The following P3H2 variants were observed in gnomAD, a reference collection of about 807,000 sequenced individuals.
P3H2 encodes leprecan-like 1.
In P3H2, 80 loss-of-function variants were observed where a neutral mutation model predicts 87.0. The ratio of observed to expected loss-of-function variants is 0.92; its 90% CI spans 0.77 to 1.11. P3H2 has a LOEUF of 1.11. Ranked by LOEUF, P3H2 falls within the 50% of genes least tolerant of loss-of-function variation. P3H2 has a pLI of 0.00. For missense variants in P3H2, 1,001 were observed against 923.9 expected (o/e 1.08, Z -1.08); for synonymous variants, 367 against 359.3 (o/e 1.02, Z -0.24).
At chr3:189,966,336 G>A (rs986408198) in intron 13 of P3H2, among the ~76,000 whole-genome samples, 2 of 152,156 alleles carry the variant, frequency 1.3e-5, no homozygotes, top group Non-Finnish European at 2.9e-5. Flanking sequence ...CATCTTATAA[G>A]ACTAAAGAAA....
At chr3:190,107,101 T>C (rs28492997) in intron 1 of P3H2, among the ~76,000 whole-genome samples, 10,501 of 152,246 alleles carry the variant, frequency 0.069, 483 homozygotes, top group African/African-American at 0.12. Flanking sequence ...GAAAACAAAA[T>C]GTATCAAGAA....
At chr3:189,971,313 G>A (rs1397454007) in intron 12 of P3H2, among the ~76,000 whole-genome samples, 1 of 152,186 alleles carries the variant, frequency 6.6e-6, no homozygotes, top group African/African-American at 2.4e-5. Flanking sequence ...GTTCCTTGTG[G>A]CCTAGCCACG....
chr3:189,995,514 AATCCAAAATCTC>A, intron 1 of P3H2, 72 bp from the exon 2 acceptor site: 1 of 1,492,158 alleles, frequency 6.7e-7, no homozygotes. Flanking sequence ...TACAAAGATC[AATCCAAAATCTC>A]ACAGTTTAAG....
In P3H2 at chr3:190,019,619, GGTCT is replaced by G. The variant is rs1199777955; in HGVS notation, c.481-24181_481-24178del. 3.8e-5 allele frequency among the ~76,000 whole-genome samples: 3 copies of G among 78,208 alleles called. 1 individual carries two copies. The highest frequency in any genetic ancestry group is 6.3e-5 in the Non-Finnish European group (2 of 31,746). The allele number at this position is 78,208 out of a possible 152,430, so 51.3% of individuals were successfully genotyped here. A position where few individuals can be genotyped will look rare whatever the true frequency, so the allele number is the denominator to read the frequency against. On this transcript the variant is annotated intron_variant, in intron 1 of 14. Coordinates refer to ENST00000319332, the MANE Select transcript of P3H2 (RefSeq NM_018192.4). ...TAATAGTAAGAAGACAGATGACCTG[GGTCT>G]GTCTTTCATTTTTGAAACTTCAGCA...
rs562563500 is a variant in P3H2, at chr3:189,984,337, A to C, written c.1229+213T>G. ...AACCCTTTTTTTCCTGGAAAAAAAA[A>C]ATGAGATCCAGAAAGCAGAAGATAT... On this transcript the variant is annotated intron_variant, in intron 7 of 14. Coordinates refer to ENST00000319332, the MANE Select transcript of P3H2 (RefSeq NM_018192.4). 8.0e-3 allele frequency among the ~76,000 whole-genome samples: 1,211 copies of C among 151,732 alleles called. 14 individuals carry two copies. Among genetic ancestry groups the C allele is most frequent in the African/African-American group, 0.028 (1,176 of 41,404 alleles).
rs181716266 is a variant in P3H2, at chr3:190,030,483, G to A, written c.481-35041C>T. Reference sequence around the variant, plus strand: ...GGTGGGAGAATCACCTGAGCCCAGGGAGGTCAAGGCTGCAGTGAGCTATAA... The same window carrying A: ...GGTGGGAGAATCACCTGAGCCCAGGAAGGTCAAGGCTGCAGTGAGCTATAA... On this transcript the variant is annotated intron_variant, in intron 1 of 14. Coordinates refer to ENST00000319332, the MANE Select transcript of P3H2 (RefSeq NM_018192.4). Among the ~76,000 whole-genome samples, 48 of 152,256 alleles carry A rather than the reference G, an allele frequency of 3.2e-4. 1 individual carries two copies. The highest frequency in any genetic ancestry group is 5.6e-4 in the Non-Finnish European group (38 of 68,016).
intron 1 of P3H2, among the ~76,000 whole-genome samples, chr3:190,098,631 G>A (rs1711509108): frequency 6.6e-6 from 1 of 152,128 alleles, no homozygotes; most frequent in African/African-American, 2.4e-5. Flanking sequence ...GAAAACAGAG[G>A]CAAAAGAGAC....
chr3:189,974,193 T>C, intron 9 of P3H2, 189 bp from the exon 10 acceptor site: 1 of 615,184 alleles, frequency 1.6e-6, no homozygotes, highest in Admixed American at 2.9e-5. Flanking sequence ...TCATTCTACA[T>C]TTTTATTATC....
rs561387385 is a variant in P3H2 at position 189,974,055 on chromosome 3, CA to C, written c.1453-52del. On this transcript the variant is annotated intron_variant, in intron 9 of 14. Coordinates refer to ENST00000319332, the MANE Select transcript of P3H2 (RefSeq NM_018192.4). The stretch of plus-strand genomic sequence containing the variant: ...TCATCAATGATAACTATGAATTCAT[CA>C]GGTCTTTTTCTGCTTTGGCTGCCAG... The C allele has an allele frequency of 2.9e-4, 429 of 1,475,384 alleles. 5 individuals carry two copies. The East Asian group carries it at 9.5e-3, about 33-fold the overall frequency. 91.4% of individuals were successfully genotyped at this position (1,475,384 alleles called of 1,614,324 possible).
chr3:190,006,274 A>T (rs911774667), intron 1 of P3H2, among the ~76,000 whole-genome samples: 2 of 152,234 alleles, frequency 1.3e-5, no homozygotes, highest in African/African-American at 2.4e-5. Context: ...TTTATATCAT[A>T]TAGTCCCACT....
intron 6 of P3H2, among the ~76,000 whole-genome samples, chr3:189,986,387 C>G (rs1723697880): frequency 6.6e-6 from 1 of 152,058 alleles, no homozygotes; most frequent in Non-Finnish European, 1.5e-5. Context: ...GAGTCCGAGA[C>G]TAGCCTGACC....
At chr3:189,962,277 C>A (rs534907550) in intron 14 of P3H2, among the ~76,000 whole-genome samples, 1 of 148,536 alleles carries the variant, frequency 6.7e-6, no homozygotes, top group African/African-American at 2.5e-5. Context: ...TGGGTTCAAG[C>A]GATTCCCCTG....
In P3H2 at chr3:189,956,799, G is replaced by A. The variant is rs1722640597; in HGVS notation, c.*1113C>T. The stretch of plus-strand genomic sequence containing the variant: ...TCTGTGTGCTGGATAGCAGCAATGA[G>A]GAGGGGCCCCCAAAATATAAGCAGA... On this transcript the variant is annotated 3_prime_UTR_variant, in exon 15 of 15. Transcript: ENST00000319332. 2 of 250,760 alleles carry A rather than the reference G, an allele frequency of 8.0e-6. No individual in the cohort carries two copies. The highest frequency in any genetic ancestry group is 1.5e-4 in the East Asian group (2 of 13,780). 15.5% of individuals were successfully genotyped at this position (250,760 alleles called of 1,614,324 possible). A position where few individuals can be genotyped will look rare whatever the true frequency, so the allele number is the denominator to read the frequency against.
intron 1 of P3H2, among the ~76,000 whole-genome samples, chr3:190,030,847 T>A (rs1192827563): frequency 6.6e-6 from 1 of 152,176 alleles, no homozygotes; most frequent in South Asian, 2.1e-4. Flanking sequence ...TGTCAATTAA[T>A]GAGAATATTA....
At chr3:190,109,052 C>G (rs1187389433) in intron 1 of P3H2, among the ~76,000 whole-genome samples, 1 of 152,180 alleles carries the variant, frequency 6.6e-6, no homozygotes, top group Admixed American at 6.5e-5. Context: ...CATCTGCTTC[C>G]CAATTACTAA....
intron 1 of P3H2, among the ~76,000 whole-genome samples, chr3:190,000,183 A>G (rs1724167129): frequency 6.6e-6 from 1 of 152,204 alleles, no homozygotes; most frequent in Non-Finnish European, 1.5e-5. Flanking sequence ...TTTTCCTGGC[A>G]TCACTTCTTC....
intron 3 of P3H2, among the ~76,000 whole-genome samples, chr3:189,991,093 C>G (rs2108921639): frequency 6.6e-6 from 1 of 152,318 alleles, no homozygotes; most frequent in Non-Finnish European, 1.5e-5. Context: ...AAGGAAGAAT[C>G]TGCCATTCCC....
At position 190,106,597 on chromosome 3, in the gene P3H2, G is replaced by A. The variant is rs75677871; in HGVS notation, c.480+13655C>T. 3.4e-3 allele frequency among the ~76,000 whole-genome samples: 505 copies of A among 149,376 alleles called. 3 individuals carry two copies. The highest frequency in any genetic ancestry group is 0.012 in the African/African-American group (474 of 40,534). On this transcript the variant is annotated intron_variant, in intron 1 of 14. Transcript: ENST00000319332. Reference sequence around the variant, plus strand: ...ACCTTGTAAAATAGGTATGATTATTGTCATTTTCCCGATACAAAATTCTGA... The same window carrying A: ...ACCTTGTAAAATAGGTATGATTATTATCATTTTCCCGATACAAAATTCTGA...
At chr3:190,047,773 A>C in intron 1 of P3H2, among the ~76,000 whole-genome samples, 1 of 152,172 alleles carries the variant, frequency 6.6e-6, no homozygotes, top group Non-Finnish European at 1.5e-5. Context: ...CAGAGGCTGG[A>C]AAGGGTAGTG....
Sources: gnomAD v4.1 joint callset for allele counts (sites outside exome capture counted in the v4.1 genomes callset) on GRCh38, gnomAD v4.1.1 for gene constraint, MANE v1.5 for transcripts, NCBI Gene and HGNC (gene_info 2026-07-23, HGNC 2026-07-21) for gene names.